MYO16: variants seen among roughly 807,000 people sequenced by gnomAD.
MYO16 encodes unconventional myosin-XVI.
MYO16 carries 94 observed loss-of-function variants against 205.3 expected under a neutral mutation model. The ratio of observed to expected loss-of-function variants is 0.46; its 90% CI spans 0.39 to 0.54. The LOEUF is 0.54. Ranked by LOEUF, MYO16 falls within the 20% of genes least tolerant of loss-of-function variation. The probability of loss-of-function intolerance (pLI) is 0.00; values close to 1 mark genes in which losing one functional copy is unlikely to be tolerated. For synonymous variants in MYO16, 988 were observed against 954.0 expected, an observed-to-expected ratio of 1.04 and a Z score of -0.66; for missense variants, 2,315 against 2,387.5, an observed-to-expected ratio of 0.97 and a Z score of 0.63.
At chr13:108,987,401 T>C (rs1190275932) in intron 20 of MYO16, among the ~76,000 whole-genome samples, 2 of 152,194 alleles carry the variant, frequency 1.3e-5, no homozygotes, top group African/African-American at 4.8e-5. Context: ...GTTTCTCTCA[T>C]AGACTAAAAA....
At chr13:108,581,362 G>A in the MYO16 span, among the ~76,000 whole-genome samples, 1 of 152,138 alleles carries the variant, frequency 6.6e-6, no homozygotes, top group Non-Finnish European at 1.5e-5. Flanking sequence ...AGATGATATA[G>A]ACATATAATA....
At chr13:108,527,310 C>A in the MYO16 span, among the ~76,000 whole-genome samples, 2 of 152,112 alleles carry the variant, frequency 1.3e-5, no homozygotes. Flanking sequence ...TGACAAGCTG[C>A]AGATTAACTG....
intron 20 of MYO16, among the ~76,000 whole-genome samples, chr13:108,984,386 ATTCCTGCCT>A (rs1369499431): frequency 1.3e-5 from 2 of 152,148 alleles, no homozygotes; most frequent in Admixed American, 6.5e-5. Flanking sequence ...GAGAGCCTGG[ATTCCTGCCT>A]TTCCTGCAGT....
intron 32 of MYO16, among the ~76,000 whole-genome samples, chr13:109,158,986 G>A (rs964088302): frequency 5.9e-5 from 9 of 152,160 alleles, no homozygotes; most frequent in African/African-American, 2.2e-4. Context: ...ACTCAGCACA[G>A]CCAAAGCATG....
chr13:108,662,012 A>G (rs1234643922), intron 1 of MYO16, among the ~76,000 whole-genome samples: 2 of 152,102 alleles, frequency 1.3e-5, no homozygotes, highest in African/African-American at 4.8e-5. Flanking sequence ...TTTCCTATGG[A>G]TGTGACTTCC....
chr13:109,151,785 C>T (rs1877683075), intron 32 of MYO16, among the ~76,000 whole-genome samples: 2 of 152,176 alleles, frequency 1.3e-5, no homozygotes, highest in African/African-American at 4.8e-5. Context: ...AAGACTTAGG[C>T]AAAGCAATGA....
At chr13:108,754,802 C>T (rs1423944932) in intron 4 of MYO16, among the ~76,000 whole-genome samples, 1 of 152,134 alleles carries the variant, frequency 6.6e-6, no homozygotes, top group Non-Finnish European at 1.5e-5. Context: ...CTCCTCTATC[C>T]CTTTCCTCAA....
At chr13:108,940,633 T>C (rs533226738) in intron 16 of MYO16, among the ~76,000 whole-genome samples, 13 of 152,322 alleles carry the variant, frequency 8.5e-5, no homozygotes, top group African/African-American at 2.2e-4. Context: ...AATTATATTA[T>C]GTAATATGGA....
chr13:108,878,405 A>C (rs1879430502), intron 12 of MYO16, among the ~76,000 whole-genome samples: 1 of 152,090 alleles, frequency 6.6e-6, no homozygotes, highest in African/African-American at 2.4e-5. Flanking sequence ...AGGCCACTGG[A>C]TGGCCAAACT....
upstream of MYO16, among the ~76,000 whole-genome samples, chr13:108,628,142 A>C (rs532536442): frequency 6.6e-6 from 1 of 152,196 alleles, no homozygotes; most frequent in African/African-American, 2.4e-5. Flanking sequence ...TTAAAAATAC[A>C]TTATAGATTC....
the MYO16 span, among the ~76,000 whole-genome samples, chr13:108,566,741 GGAAGGAAGGA>G: frequency 1.7e-4 from 10 of 59,958 alleles, no homozygotes; most frequent in African/African-American, 7.7e-4. Flanking sequence ...AAGGGAGGAA[GGAAGGAAGGA>G]AGGAAGGAAG....
intron 16 of MYO16, among the ~76,000 whole-genome samples, chr13:108,935,990 A>C (rs1882460114): frequency 6.6e-6 from 1 of 152,006 alleles, no homozygotes; most frequent in South Asian, 2.1e-4. Context: ...TTATTTGATC[A>C]TGGTGACTTA....
In MYO16 at chr13:108,684,457, T is replaced by C. The variant is rs534352602; in HGVS notation, c.292+18308T>C. On this transcript the variant is annotated intron_variant, in intron 2 of 34. Transcript: ENST00000457511. ...AACAAGATATATATCTCTTATTGTGTGTGTATATATCTGTATCTGTGTCTA... is the reference window on the plus strand; with the variant it reads ...AACAAGATATATATCTCTTATTGTGCGTGTATATATCTGTATCTGTGTCTA... Among the ~76,000 whole-genome samples, 8 of 152,258 alleles carry C rather than the reference T, an allele frequency of 5.3e-5. No individual in the cohort carries two copies. In the South Asian group the frequency reaches 1.7e-3, roughly 32 times the overall value.
At chr13:108,885,488 A>G (rs1879825806) in intron 13 of MYO16, among the ~76,000 whole-genome samples, 1 of 152,154 alleles carries the variant, frequency 6.6e-6, no homozygotes, top group African/African-American at 2.4e-5. Context: ...GACTCAGGCA[A>G]CCCTATTTTT....
At chr13:109,189,060 C>G (rs1181629541) in intron 34 of MYO16, among the ~76,000 whole-genome samples, 1 of 151,456 alleles carries the variant, frequency 6.6e-6, no homozygotes, top group Non-Finnish European at 1.5e-5. Flanking sequence ...TGTAATTGTA[C>G]TTCAGCCTGG....
chr13:108,658,276 C>T (rs1450903112), intron 1 of MYO16, among the ~76,000 whole-genome samples: 1 of 151,998 alleles, frequency 6.6e-6, no homozygotes, highest in Non-Finnish European at 1.5e-5. Flanking sequence ...GGTTCATTTT[C>T]CACTTCTTCT....
intron 27 of MYO16, among the ~76,000 whole-genome samples, chr13:109,074,673 G>A (rs1579519): frequency 0.48 from 73,103 of 151,746 alleles, 17,826 homozygotes; most frequent in Middle Eastern, 0.54. Flanking sequence ...CTCACCATCA[G>A]GAGAACAGCG....
intron 34 of MYO16, among the ~76,000 whole-genome samples, chr13:109,205,412 G>A (rs780462819): frequency 6.6e-6 from 1 of 152,138 alleles, no homozygotes; most frequent in Non-Finnish European, 1.5e-5. Context: ...TTCTACATAA[G>A]TGCATAACCA....
At chr13:109,027,574 A>C (rs1377024340) in intron 23 of MYO16, among the ~76,000 whole-genome samples, 1 of 152,170 alleles carries the variant, frequency 6.6e-6, no homozygotes, top group Non-Finnish European at 1.5e-5. Context: ...CCTGGGGCCC[A>C]GCTGGCCAGG....
Sources: gnomAD v4.1 joint callset for allele counts (sites outside exome capture counted in the v4.1 genomes callset) on GRCh38, gnomAD v4.1.1 for gene constraint, MANE v1.5 for transcripts, NCBI Gene and HGNC (gene_info 2026-07-23, HGNC 2026-07-21) for gene names.